Variants in COL4A6 observed in about 807,000 individuals in gnomAD.
COL4A6 encodes collagen type IV alpha 6 chain, also known as collagen alpha-6(IV) chain.
In COL4A6, 59 loss-of-function variants were observed where a neutral mutation model predicts 126.7. The observed-to-expected ratio is 0.47, with a 90% CI of 0.38 to 0.58. The LOEUF (loss-of-function observed/expected upper bound fraction) is 0.58, where lower values mean the gene tolerates loss of function less well. Ranked by LOEUF, COL4A6 falls within the 20% of genes least tolerant of loss-of-function variation. The pLI is 0.00. For synonymous variants in COL4A6, 547 were observed against 496.6 expected (o/e 1.10, Z -1.35); for missense variants, 1,285 against 1,337.3 (o/e 0.96, Z 0.61).
At chrX:108,428,269 G>A (rs1446966503) in intron 2 of COL4A6, among the ~76,000 whole-genome samples, 1 of 112,169 alleles carries the variant, frequency 8.9e-6, no homozygotes, top group African/African-American at 3.2e-5. Flanking sequence ...GCGGCCCTTG[G>A]GGCACAAGTT....
chrX:108,305,034 A>G (rs2038590082), intron 3 of COL4A6, among the ~76,000 whole-genome samples: 1 of 112,052 alleles, frequency 8.9e-6, no homozygotes, highest in Non-Finnish European at 1.9e-5. Flanking sequence ...GTCTAAGAAC[A>G]CTGTCTCTGC....
chrX:108,346,086 C>G lies in COL4A6; in HGVS notation c.64-35258G>C, dbSNP rs1422543339. ...CACACACCGTGGCACCAACATTTAA[C>G]TGGAGGGTCAACTGGTTCCCCTGCA... is the stretch of plus-strand genomic sequence containing the variant. On this transcript the variant is annotated intron_variant, in intron 2 of 44. Transcript: ENST00000334504. 5.4e-5 allele frequency among the ~76,000 whole-genome samples: 6 copies of G among 111,439 alleles called. No homozygotes were observed. The Admixed American group carries it at 5.7e-4, about 11-fold the overall frequency.
rs1442918159 is a variant in COL4A6, at chrX:108,291,427, A to G, written c.144+19321T>C. Among the ~76,000 whole-genome samples, 3 of 112,534 alleles carry G rather than the reference A, an allele frequency of 2.7e-5. No homozygotes were observed. In the Admixed American group the frequency reaches 2.8e-4, roughly 11 times the overall value. ...ACATTATGCCATAAGCATTTTTACA[A>G]GTATTAAACATTCTTCCAAGAAACA... On this transcript the variant is annotated intron_variant, in intron 3 of 44. Transcript: ENST00000334504.
chrX:108,428,936 C>A (rs1385984377), intron 2 of COL4A6, among the ~76,000 whole-genome samples: 2 of 112,091 alleles, frequency 1.8e-5, no homozygotes, highest in African/African-American at 6.5e-5. Context: ...ATATAGCAAT[C>A]ATACTCCTGG....
intron 3 of COL4A6, among the ~76,000 whole-genome samples, chrX:108,297,949 G>A (rs1219820434): frequency 1.9e-5 from 2 of 103,867 alleles, no homozygotes; most frequent in South Asian, 4.5e-4. Flanking sequence ...TCTCTCTCAC[G>A]TGTGTGTGTG....
chrX:108,321,501 A>G (rs2039027574), intron 2 of COL4A6, among the ~76,000 whole-genome samples: 1 of 111,393 alleles, frequency 9.0e-6, no homozygotes, highest in African/African-American at 3.3e-5. Context: ...TTACTTCACA[A>G]TATTATTTGT....
chrX:108,242,933 G>C (rs1319646896), intron 3 of COL4A6, among the ~76,000 whole-genome samples: 1 of 111,535 alleles, frequency 9.0e-6, no homozygotes, highest in Non-Finnish European at 1.9e-5. Context: ...AGCTACTGTT[G>C]CAAGTATTTG....
intron 2 of COL4A6, among the ~76,000 whole-genome samples, chrX:108,389,858 G>A (rs188104735): frequency 2.9e-4 from 32 of 111,573 alleles, no homozygotes; most frequent in Admixed American, 2.5e-3. Context: ...TTTTTCCAGT[G>A]GCTGGTACCA....
At chrX:108,438,029 A>AG in intron 1 of COL4A6, 36 bp from the exon 2 acceptor site, 1 of 1,205,046 alleles carries the variant, frequency 8.3e-7, no homozygotes, top group Non-Finnish European at 1.1e-6. Flanking sequence ...TGGGCTCTCT[A>AG]GGCTTCGGGG....
rs776127455 is a variant in COL4A6 at position 108,252,649 on chromosome X, T to C, written c.145-31275A>G. Among the ~76,000 whole-genome samples, 3 of 110,290 alleles carry C rather than the reference T, an allele frequency of 2.7e-5. No homozygotes were observed. The East Asian group carries it at 8.5e-4, about 31-fold the overall frequency. ...AATGGAAGGAATTCTTCCAAACTGT[T>C]CCTACAAGGCCAGCATTACCCTGAT... On this transcript the variant is annotated intron_variant, in intron 3 of 44. Coordinates refer to ENST00000334504, the MANE Select transcript of COL4A6 (RefSeq NM_033641.4).
chrX:108,425,859 T>C (rs1309968793), intron 2 of COL4A6, among the ~76,000 whole-genome samples: 3 of 111,178 alleles, frequency 2.7e-5, no homozygotes, highest in Non-Finnish European at 3.8e-5. Context: ...GAATTGTTAA[T>C]AAATACATTG....
chrX:108,438,256 C>T lies in COL4A6; in HGVS notation c.-60G>A, dbSNP rs952597384. 8.7e-7 allele frequency: 1 copy of T among 1,150,679 alleles called. No individual in the cohort carries two copies. Among genetic ancestry groups the T allele is most frequent in the African/African-American group, 1.8e-5 (1 of 55,637 alleles). The allele number at this position is 1,150,679 out of a possible 1,213,427, so 94.8% of individuals were successfully genotyped here. On this transcript the variant is annotated 5_prime_UTR_variant, in exon 1 of 45. Coordinates refer to ENST00000334504, the MANE Select transcript of COL4A6 (RefSeq NM_033641.4). ...CTGCTAAGCGGCTCCGCGGCCCGTG[C>T]TCATCTGGGCTCTGCTGATGCTTGG...
chrX:108,352,726 T>G (rs181852909), intron 2 of COL4A6, among the ~76,000 whole-genome samples: 340 of 112,400 alleles, frequency 3.0e-3, no homozygotes, highest in African/African-American at 0.011. Flanking sequence ...GTCTGAATTT[T>G]TAAGATAAGG....
chrX:108,430,847 A>G (rs886142663), intron 2 of COL4A6, among the ~76,000 whole-genome samples: 2 of 111,855 alleles, frequency 1.8e-5, no homozygotes. Context: ...CAATAAAAAT[A>G]ATAATAGCTG....
At chrX:108,321,591 AT>A in intron 2 of COL4A6, among the ~76,000 whole-genome samples, 1 of 111,317 alleles carries the variant, frequency 9.0e-6, no homozygotes, top group Non-Finnish European at 1.9e-5. Context: ...TCATATGACC[AT>A]TTTCCAGATT....
intron 3 of COL4A6, among the ~76,000 whole-genome samples, chrX:108,263,952 A>G (rs1452103882): frequency 1.8e-5 from 2 of 111,062 alleles, no homozygotes; most frequent in Non-Finnish European, 3.8e-5. Flanking sequence ...TCTTCTCACT[A>G]TATTGTCCTA....
chrX:108,432,331 C>G (rs917415448), intron 2 of COL4A6, among the ~76,000 whole-genome samples: 1 of 112,075 alleles, frequency 8.9e-6, no homozygotes, highest in Admixed American at 9.5e-5. Context: ...TGTAAAGTGA[C>G]CTTTGGAATG....
rs766315053 is a variant in COL4A6 at position 108,391,839 on chromosome X, C to T, written c.63+46103G>A. Among the ~76,000 whole-genome samples, 437 of 112,544 alleles carry T rather than the reference C, an allele frequency of 3.9e-3. 1 individual carries two copies. Among genetic ancestry groups the T allele is most frequent in the Non-Finnish European group, 6.8e-3 (361 of 53,297 alleles). On this transcript the variant is annotated intron_variant, in intron 2 of 44. Transcript: ENST00000334504. Reference sequence around the variant, plus strand: ...TTTGGCTCGCCCTTCATGGGCTGCACCCACTGTCCAACCAGTCCCAATGAG... The same window carrying T: ...TTTGGCTCGCCCTTCATGGGCTGCATCCACTGTCCAACCAGTCCCAATGAG...
In COL4A6 at chrX:108,199,343, C is replaced by T. The variant is rs767244976; in HGVS notation, c.835-2764G>A. 1.4e-3 allele frequency among the ~76,000 whole-genome samples: 158 copies of T among 110,538 alleles called. 1 individual carries two copies. Among genetic ancestry groups the T allele is most frequent in the South Asian group, 8.0e-3 (20 of 2,490 alleles). On this transcript the variant is annotated intron_variant, in intron 13 of 44. Coordinates refer to ENST00000334504, the MANE Select transcript of COL4A6 (RefSeq NM_033641.4). ...GTATCACAAATACATTACCACCTTT[C>T]TCCTCATAACTTTTCTGTCATAAGC...
Sources: allele counts gnomAD v4.1 joint callset (sites outside exome capture counted in the v4.1 genomes callset), GRCh38; gene constraint gnomAD v4.1.1; transcripts MANE v1.5; gene names NCBI Gene and HGNC (gene_info 2026-07-23, HGNC 2026-07-21).